The following LINGO2 variants were observed in gnomAD, a reference collection of about 807,000 sequenced individuals.
LINGO2 encodes the protein leucine rich repeat and Ig domain containing 2, also known as leucine-rich repeat and immunoglobulin-like domain-containing nogo receptor-interacting protein 2.
LINGO2 carries 14 observed loss-of-function variants against 30.6 expected under a neutral mutation model. The observed-to-expected ratio is 0.46, with a 90% CI of 0.30 to 0.72. The LOEUF (loss-of-function observed/expected upper bound fraction) is 0.72. Ranked by LOEUF, LINGO2 falls within the 30% of genes least tolerant of loss-of-function variation. The pLI is 0.07. For missense variants in LINGO2, 729 were observed against 751.7 expected (o/e 0.97, Z 0.35); for synonymous variants, 317 against 288.5 (o/e 1.10, Z -1.00).
At chr9:28,790,377 G>A in the LINGO2 span, among the ~76,000 whole-genome samples, 5 of 132,428 alleles carry the variant, frequency 3.8e-5, no homozygotes, top group Non-Finnish European at 7.7e-5. Flanking sequence ...GGCCCAGGCT[G>A]GAGTGCAGTC....
chr9:28,785,951 C>G, the LINGO2 span, among the ~76,000 whole-genome samples: 3 of 152,156 alleles, frequency 2.0e-5, no homozygotes, highest in African/African-American at 7.2e-5. Flanking sequence ...CTCCAAACTA[C>G]GTACGACCTT....
At chr9:28,342,292 C>T (rs995627334) in intron 3 of LINGO2, among the ~76,000 whole-genome samples, 19 of 152,164 alleles carry the variant, frequency 1.2e-4, no homozygotes, top group South Asian at 4.1e-4. Context: ...ATATTCCCAT[C>T]GTCATATAAG....
At chr9:28,664,996 CATATATATATATATATAT>C (rs10527878) in intron 1 of LINGO2, among the ~76,000 whole-genome samples, 4,537 of 96,268 alleles carry the variant, frequency 0.047, 236 homozygotes, top group East Asian at 0.13. Flanking sequence ...TATGTGTTTA[CATATATATATATATATAT>C]ATATATATAT....
At chr9:28,912,374 C>G in the LINGO2 span, among the ~76,000 whole-genome samples, 3 of 152,068 alleles carry the variant, frequency 2.0e-5, no homozygotes, top group Non-Finnish European at 2.9e-5. Context: ...TGCCTCCACT[C>G]ATCTAGTCAT....
intron 4 of LINGO2, among the ~76,000 whole-genome samples, chr9:28,237,387 G>T (rs991937648): frequency 2.6e-5 from 4 of 151,704 alleles, no homozygotes; most frequent in African/African-American, 9.7e-5. Context: ...AGGAAGAGAA[G>T]ACCACAAAAC....
the LINGO2 span, among the ~76,000 whole-genome samples, chr9:29,122,792 C>G: frequency 6.6e-6 from 1 of 152,062 alleles, no homozygotes; most frequent in Admixed American, 6.6e-5. Flanking sequence ...TATGACCAAA[C>G]AGCTCACGTT....
chr9:28,054,270 TACTC>T (rs1473093600), intron 4 of LINGO2, among the ~76,000 whole-genome samples: 1 of 152,108 alleles, frequency 6.6e-6, no homozygotes, highest in Non-Finnish European at 1.5e-5. Context: ...TCACTTTTCT[TACTC>T]AGTTCAACCA....
intron 4 of LINGO2, among the ~76,000 whole-genome samples, chr9:28,090,821 T>G (rs1474021887): frequency 1.3e-5 from 2 of 152,236 alleles, no homozygotes; most frequent in African/African-American, 2.4e-5. Flanking sequence ...AACCCCATCG[T>G]CTTAGCTCAA....
chr9:29,164,424 T>C, the LINGO2 span, among the ~76,000 whole-genome samples: 2 of 152,156 alleles, frequency 1.3e-5, no homozygotes, highest in African/African-American at 2.4e-5. Context: ...AATATAAATA[T>C]GAATTGGTGT....
At chr9:28,721,727 G>A in the LINGO2 span, among the ~76,000 whole-genome samples, 1 of 151,780 alleles carries the variant, frequency 6.6e-6, no homozygotes, top group South Asian at 2.1e-4. Context: ...TTAAAACCTA[G>A]ACAACCAGTT....
intron 1 of LINGO2, among the ~76,000 whole-genome samples, chr9:28,614,040 G>A (rs910875836): frequency 6.6e-6 from 1 of 152,032 alleles, no homozygotes; most frequent in African/African-American, 2.4e-5. Context: ...TTTGACTTAT[G>A]CCATATGGTT....
the LINGO2 span, among the ~76,000 whole-genome samples, chr9:29,139,808 T>C: frequency 6.6e-6 from 1 of 151,956 alleles, no homozygotes; most frequent in Non-Finnish European, 1.5e-5. Context: ...AATTCCGGCT[T>C]CTGAGGGGGC....
At chr9:28,232,485 A>T (rs1451359188) in intron 4 of LINGO2, among the ~76,000 whole-genome samples, 2 of 151,878 alleles carry the variant, frequency 1.3e-5, no homozygotes, top group Non-Finnish European at 2.9e-5. Flanking sequence ...TTAAGGTAAA[A>T]CTGTCGAAGT....
intron 1 of LINGO2, among the ~76,000 whole-genome samples, chr9:28,555,020 A>G: frequency 7.2e-6 from 1 of 138,508 alleles, no homozygotes; most frequent in African/African-American, 3.0e-5. Flanking sequence ...AATTTATAGC[A>G]CTAAATGCCC....
chr9:28,386,185 T>A (rs545736489), intron 2 of LINGO2, among the ~76,000 whole-genome samples: 52 of 152,310 alleles, frequency 3.4e-4, no homozygotes, highest in Non-Finnish European at 6.9e-4. Flanking sequence ...GGATACACAA[T>A]GTTCTTAAAG....
chr9:28,635,333 T>C (rs1827210659), intron 1 of LINGO2, among the ~76,000 whole-genome samples: 1 of 152,140 alleles, frequency 6.6e-6, no homozygotes, highest in Non-Finnish European at 1.5e-5. Context: ...AACTGTGATA[T>C]TAAGAAGTTG....
the LINGO2 span, among the ~76,000 whole-genome samples, chr9:28,705,882 G>C: frequency 6.6e-6 from 1 of 152,126 alleles, no homozygotes; most frequent in South Asian, 2.1e-4. Context: ...GAGGGCATAA[G>C]TTTGCTCTGT....
chr9:28,347,481 G>T (rs1413783344), intron 3 of LINGO2, among the ~76,000 whole-genome samples: 1 of 151,986 alleles, frequency 6.6e-6, no homozygotes, highest in East Asian at 1.9e-4. Context: ...AAAAGAAGTT[G>T]TCAATACAAT....
chr9:29,213,139 G>C, the LINGO2 span, among the ~76,000 whole-genome samples: 2 of 152,112 alleles, frequency 1.3e-5, no homozygotes, highest in Admixed American at 1.3e-4. Context: ...CCACCTTCCC[G>C]GCACCCGGAA....
Sources: gnomAD v4.1 joint callset for allele counts (sites outside exome capture counted in the v4.1 genomes callset) on GRCh38, gnomAD v4.1.1 for gene constraint, MANE v1.5 for transcripts, NCBI Gene and HGNC (gene_info 2026-07-23, HGNC 2026-07-21) for gene names.